Variants in CDH11 observed in about 807,000 individuals in gnomAD.
CDH11 encodes cadherin-11.
Under a neutral mutation model 67.8 loss-of-function variants are expected in CDH11, and 11 were observed. The ratio of observed to expected loss-of-function variants is 0.16; its 90% CI spans 0.10 to 0.27. The LOEUF is 0.27. CDH11 is among the 10% of genes least tolerant of loss of function. The pLI is 1.00. For missense variants in CDH11, 847 were observed against 1,031.2 expected, an observed-to-expected ratio of 0.82 and a Z score of 2.45; for synonymous variants, 419 against 400.0, an observed-to-expected ratio of 1.05 and a Z score of -0.57.
chr16:65,066,271 C>G (rs1449712088), intron 1 of CDH11, among the ~76,000 whole-genome samples: 1 of 152,200 alleles, frequency 6.6e-6, no homozygotes, highest in African/African-American at 2.4e-5. Context: ...CACCTCCTGA[C>G]AGTCCACCTT....
At chr16:64,948,419 G>A (rs2142364651) in intron 12 of CDH11, 1 of 620,274 alleles carries the variant, frequency 1.6e-6, no homozygotes, top group East Asian at 2.7e-5. Flanking sequence ...TAAATATGTT[G>A]GTCTGTAGTC....
intron 11 of CDH11, among the ~76,000 whole-genome samples, chr16:64,970,556 G>A (rs746278295): frequency 7.2e-4 from 109 of 152,272 alleles, no homozygotes; most frequent in Middle Eastern, 3.4e-3. Context: ...GACAGAGTGT[G>A]GAAAGGATCT....
intron 7 of CDH11, chr16:64,984,883 C>T (rs527394550): frequency 1.7e-4 from 26 of 152,248 alleles, no homozygotes; most frequent in Admixed American, 5.2e-4. Context: ...CATCTATATA[C>T]GTGCGGACAA....
At chr16:65,033,137 G>A (rs2073678310) in intron 2 of CDH11, among the ~76,000 whole-genome samples, 1 of 151,918 alleles carries the variant, frequency 6.6e-6, no homozygotes, top group African/African-American at 2.4e-5. Flanking sequence ...CAGGGTAATC[G>A]TTCTTCCATC....
chr16:65,099,292 C>T (rs2074950652), intron 1 of CDH11, among the ~76,000 whole-genome samples: 1 of 152,140 alleles, frequency 6.6e-6, no homozygotes, highest in Non-Finnish European at 1.5e-5. Flanking sequence ...AATATTAATT[C>T]ATTCATCCAC....
chr16:65,068,883 T>C (rs906128459), intron 1 of CDH11, among the ~76,000 whole-genome samples: 1 of 152,348 alleles, frequency 6.6e-6, no homozygotes, highest in South Asian at 2.1e-4. Flanking sequence ...ATCTTAATTA[T>C]TTAAATTATA....
At chr16:65,084,182 A>G (rs2074657655) in intron 1 of CDH11, among the ~76,000 whole-genome samples, 1 of 152,224 alleles carries the variant, frequency 6.6e-6, no homozygotes, top group East Asian at 1.9e-4. Flanking sequence ...TAATTTACAG[A>G]TGAAAATAAA....
At position 65,121,725 on chromosome 16, in the gene CDH11, C is replaced by A. The variant is rs973656151; in HGVS notation, c.-298+155G>T. 13 of 668,202 alleles carry A rather than the reference C, an allele frequency of 1.9e-5. No homozygotes were observed. The highest frequency in any genetic ancestry group is 3.2e-5 in the Non-Finnish European group (12 of 370,994). 41.4% of individuals were successfully genotyped at this position (668,202 alleles called of 1,614,324 possible). ...GATTTTTAAACAAATCTCTCCCTCCCTTTTGCTTTGCGTTAGTGAAGCCTT... is the reference window on the plus strand; with the variant it reads ...GATTTTTAAACAAATCTCTCCCTCCATTTTGCTTTGCGTTAGTGAAGCCTT... On this transcript the variant is annotated intron_variant, in intron 1 of 12. Coordinates refer to ENST00000268603, the MANE Select transcript of CDH11 (RefSeq NM_001797.4). This position sits in a 1 kb window ranked among gnomAD's most constrained non-coding sequence, Gnocchi z 4.1.
At chr16:65,036,555 C>T (rs2073758834) in intron 2 of CDH11, among the ~76,000 whole-genome samples, 1 of 152,044 alleles carries the variant, frequency 6.6e-6, no homozygotes, top group Non-Finnish European at 1.5e-5. Context: ...ACCCAACTAC[C>T]CTATTAGGGT....
chr16:64,949,049 T>G (rs2071278020), intron 12 of CDH11, among the ~76,000 whole-genome samples: 1 of 152,168 alleles, frequency 6.6e-6, no homozygotes, highest in Non-Finnish European at 1.5e-5. Flanking sequence ...CTCTGTGCTT[T>G]TTTCTTGTGG....
At chr16:65,027,065 C>T (rs2073548945) in intron 2 of CDH11, among the ~76,000 whole-genome samples, 1 of 152,114 alleles carries the variant, frequency 6.6e-6, no homozygotes, top group South Asian at 2.1e-4. Context: ...ATGTTTCTAT[C>T]AGTATTTCAC....
intron 2 of CDH11, among the ~76,000 whole-genome samples, chr16:65,016,526 C>G (rs1277350686): frequency 6.6e-6 from 1 of 152,102 alleles, no homozygotes; most frequent in Admixed American, 6.5e-5. Flanking sequence ...TCCAGGTAAT[C>G]CTATTGTGAA....
At chr16:64,989,800 G>C (rs10459793) in intron 6 of CDH11, among the ~76,000 whole-genome samples, 54,207 of 152,088 alleles carry the variant, frequency 0.36, 9,976 homozygotes, top group South Asian at 0.5. Context: ...ATATAGGGAA[G>C]CCAGGGTTGA....
intron 11 of CDH11, among the ~76,000 whole-genome samples, chr16:64,970,883 A>G (rs1271523678): frequency 6.6e-6 from 1 of 152,210 alleles, no homozygotes; most frequent in Non-Finnish European, 1.5e-5. Context: ...TGTGGATGAG[A>G]GTAAAAAATA....
At position 64,964,655 on chromosome 16, in the gene CDH11, T is replaced by C. The variant is rs535488213; in HGVS notation, c.1642+6924A>G. ...GCTCCGCCTCCCGGGTTCACGTCATTCTCCTGCCTCAGCCTCCCGAGTAGC... is the reference window on the plus strand; with the variant it reads ...GCTCCGCCTCCCGGGTTCACGTCATCCTCCTGCCTCAGCCTCCCGAGTAGC... On this transcript the variant is annotated intron_variant, in intron 11 of 12. Transcript: ENST00000268603. Among the ~76,000 whole-genome samples, 9 of 152,166 alleles carry C rather than the reference T, an allele frequency of 5.9e-5. No individual in the cohort carries two copies. In the East Asian group the frequency reaches 1.8e-3, roughly 30 times the overall value.
At chr16:65,120,311 C>G (rs772989399) in intron 1 of CDH11, among the ~76,000 whole-genome samples, 1 of 152,100 alleles carries the variant, frequency 6.6e-6, no homozygotes, top group Non-Finnish European at 1.5e-5. Flanking sequence ...CATCTGCATC[C>G]CCATCCCCAG....
At chr16:65,046,357 G>A (rs2073962362) in intron 2 of CDH11, among the ~76,000 whole-genome samples, 1 of 152,190 alleles carries the variant, frequency 6.6e-6, no homozygotes, top group Admixed American at 6.5e-5. Context: ...CTGAGCACTT[G>A]AGGAGGCAGA....
chr16:65,045,120 T>C lies in CDH11; in HGVS notation c.-173+8684A>G, dbSNP rs575126958. Among the ~76,000 whole-genome samples, 30 of 151,654 alleles carry C rather than the reference T, an allele frequency of 2.0e-4. 1 individual carries two copies. The South Asian group carries it at 5.6e-3, about 29-fold the overall frequency. On this transcript the variant is annotated intron_variant, in intron 2 of 12. Transcript: ENST00000268603. ...TTTCCCAAAGAATGATGTAAATGGT[T>C]TGGGGCAATGAATCACCATCCCCCT... is the stretch of plus-strand genomic sequence containing the variant.
intron 2 of CDH11, among the ~76,000 whole-genome samples, chr16:65,016,323 AT>A (rs549869984): frequency 4.7e-4 from 71 of 151,598 alleles, no homozygotes; most frequent in African/African-American, 1.5e-3. Context: ...AAGTAATGGG[AT>A]TTTTTTTTAA....
Sources: allele counts gnomAD v4.1 joint callset (sites outside exome capture counted in the v4.1 genomes callset), GRCh38; gene constraint gnomAD v4.1.1; non-coding constraint Gnocchi (gnomAD v3.1); transcripts MANE v1.5; gene names NCBI Gene and HGNC (gene_info 2026-07-23, HGNC 2026-07-21).